SLC25A18: variants seen among roughly 807,000 people sequenced by gnomAD.
SLC25A18 encodes mitochondrial glutamate carrier 2.
A neutral mutation model predicts 31.1 loss-of-function variants in SLC25A18; 24 were observed. That is an observed-to-expected ratio of 0.77 (90% CI 0.56 to 1.08). SLC25A18 has a LOEUF of 1.08. SLC25A18 is among the 50% of genes least tolerant of loss of function. The pLI is 0.00. For missense variants in SLC25A18, 371 were observed against 418.5 expected (o/e 0.89, Z 0.99); for synonymous variants, 173 against 161.9 (o/e 1.07, Z -0.52).
rs565582939 is a variant in SLC25A18 at position 17,579,782 on chromosome 22, G to A, written c.-163G>A. The A allele has an allele frequency of 3.0e-5, 42 of 1,407,252 alleles. No individual in the cohort carries two copies. Among genetic ancestry groups the A allele is most frequent in the South Asian group, 9.8e-5 (6 of 61,184 alleles). 87.2% of individuals were successfully genotyped at this position (1,407,252 alleles called of 1,614,324 possible). ...CAGCCCAAGGAGGTCGTCACTTGCCGGGAAGGTGGCTCGGGCCAGGCTGCA... is the reference window on the plus strand; with the variant it reads ...CAGCCCAAGGAGGTCGTCACTTGCCAGGAAGGTGGCTCGGGCCAGGCTGCA... On this transcript the variant is annotated 5_prime_UTR_variant, in exon 3 of 11. Coordinates refer to ENST00000327451, the MANE Select transcript of SLC25A18 (RefSeq NM_031481.3).
chr22:17,585,636 T>G (rs2057522949), intron 7 of SLC25A18, among the ~76,000 whole-genome samples: 1 of 133,768 alleles, frequency 7.5e-6, no homozygotes, highest in South Asian at 2.2e-4. Flanking sequence ...ATTTATTTTA[T>G]TATTATTATT....
In SLC25A18 at chr22:17,579,857, G is replaced by T; in HGVS notation, c.-88G>T. 1 of 1,545,900 alleles carries T rather than the reference G, an allele frequency of 6.5e-7. No individual in the cohort carries two copies. Among genetic ancestry groups the T allele is most frequent in the East Asian group, 2.4e-5 (1 of 41,806 alleles). On this transcript the variant is annotated 5_prime_UTR_variant, in exon 3 of 11. Coordinates refer to ENST00000327451, the MANE Select transcript of SLC25A18 (RefSeq NM_031481.3). ...CTGCTACGGGGCCAGAGCCAAGGAAGCTTCCACTTCTTCCCCCAGACAGCC... is the reference window on the plus strand; with the variant it reads ...CTGCTACGGGGCCAGAGCCAAGGAATCTTCCACTTCTTCCCCCAGACAGCC...
chr22:17,569,562 T>C (rs778528502), intron 1 of SLC25A18: 357 of 965,354 alleles, frequency 3.7e-4, no homozygotes, highest in Admixed American at 6.8e-4. Context: ...GTGTTTGCGT[T>C]GCATTGATTT....
intron 2 of SLC25A18, among the ~76,000 whole-genome samples, chr22:17,573,535 C>T (rs2146221085): frequency 6.6e-6 from 1 of 152,288 alleles, no homozygotes; most frequent in Non-Finnish European, 1.5e-5. Flanking sequence ...CCAAGGCCAG[C>T]CACGGCAGCA....
At chr22:17,580,016 G>C (rs1362552971) in intron 3 of SLC25A18, 52 bp downstream of exon 3, 2 of 1,562,296 alleles carry the variant, frequency 1.3e-6, no homozygotes, top group Admixed American at 1.8e-5. Flanking sequence ...CTGGCGGAGA[G>C]TCGCTGTGGT....
In SLC25A18 at chr22:17,568,555, C is replaced by CTTTTTTT. The variant is rs695361; in HGVS notation, c.-263-1349_-263-1343dup. Among the ~76,000 whole-genome samples the CTTTTTTT allele has an allele frequency of 8.0e-5, 5 of 62,536 alleles. 1 individual carries two copies. The highest frequency in any genetic ancestry group is 2.8e-4 in the Admixed American group (1 of 3,616). The allele number at this position is 62,536 out of a possible 152,430, so 41.0% of individuals were successfully genotyped here. On this transcript the variant is annotated intron_variant, in intron 1 of 10. Coordinates refer to ENST00000327451, the MANE Select transcript of SLC25A18 (RefSeq NM_031481.3). ...TGGGAGCCGAGAATATAAAGTACAT[C>CTTTTTTT]TTTTTTTTTTTTTTTTTTTTTTTTT...
chr22:17,571,921 G>T (rs954432503), intron 2 of SLC25A18, among the ~76,000 whole-genome samples: 1 of 152,082 alleles, frequency 6.6e-6, no homozygotes, highest in Non-Finnish European at 1.5e-5. Context: ...GGAGGCTGAG[G>T]CAGGAGAATC....
chr22:17,565,050 T>A (rs1240790349), intron 1 of SLC25A18, among the ~76,000 whole-genome samples: 1 of 152,044 alleles, frequency 6.6e-6, no homozygotes, highest in East Asian at 1.9e-4. Flanking sequence ...CATTTGTCAC[T>A]CTGTGCAGAC....
intron 1 of SLC25A18, among the ~76,000 whole-genome samples, chr22:17,568,235 T>C (rs550973975): frequency 7.9e-5 from 12 of 151,310 alleles, no homozygotes; most frequent in East Asian, 5.9e-4. Context: ...GGTGTGGTGG[T>C]GGGCACCTGT....
Position 17,590,168 on chromosome 22 carries a change from C to G in SLC25A18, c.880C>G (p.Leu294Val), listed in dbSNP as rs143666593. The G allele has an allele frequency of 3.7e-6, 6 of 1,614,204 alleles. No individual in the cohort carries two copies. The highest frequency in any genetic ancestry group is 1.3e-5 in the African/African-American group (1 of 75,048). Residue 294 changes from leucine (L) to valine (V), a missense_variant, in exon 11 of 11, where the codon CTC becomes GTC. Leu to Val is a conservative substitution (Grantham distance 32). Transcript: ENST00000327451. Reference protein sequence around the residue: ...AGCRALVIAPLFGIAQGVYFI... With the variant: ...AGCRALVIAPVFGIAQGVYFI... ...CTGCCGGGCACTGGTCATAGCACCT[C>G]TCTTTGGGATTGCTCAAGGGGTCTA...
chr22:17,584,551 A>G, intron 7 of SLC25A18, among the ~76,000 whole-genome samples: 2 of 151,446 alleles, frequency 1.3e-5, no homozygotes, highest in East Asian at 2.0e-4. Flanking sequence ...AGGCCGAGGC[A>G]GGCGGATCAC....
intron 7 of SLC25A18, among the ~76,000 whole-genome samples, chr22:17,585,647 A>ATTTTTT (rs1449640998): frequency 2.9e-5 from 4 of 138,394 alleles, no homozygotes; most frequent in African/African-American, 1.2e-4. Flanking sequence ...TATTATTATT[A>ATTTTTT]TTATTTTTTT....
At chr22:17,580,373 G>A (rs1434007454) in intron 3 of SLC25A18, 5 of 297,152 alleles carry the variant, frequency 1.7e-5, no homozygotes, top group Non-Finnish European at 2.5e-5. Flanking sequence ...AGGAGTCTGA[G>A]AAAGCTTTGT....
intron 9 of SLC25A18, among the ~76,000 whole-genome samples, chr22:17,589,369 G>T (rs184909173): frequency 4.3e-4 from 66 of 151,958 alleles, no homozygotes; most frequent in Admixed American, 3.0e-3. Flanking sequence ...GTAGAGATGG[G>T]GTTTCACTAT....
At chr22:17,569,487 C>A in intron 1 of SLC25A18, 1 of 411,004 alleles carries the variant, frequency 2.4e-6, no homozygotes, top group Non-Finnish European at 3.3e-6. Context: ...CGGTTATCAG[C>A]AGTAAGAAAA....
chr22:17,576,760 G>A (rs993655987), intron 2 of SLC25A18, among the ~76,000 whole-genome samples: 7 of 152,214 alleles, frequency 4.6e-5, no homozygotes, highest in African/African-American at 1.7e-4. Context: ...ACAGCCTCAG[G>A]GTAGGGAGGC....
At chr22:17,583,600 C>T (rs1569189730) in intron 7 of SLC25A18, 66 bp downstream of exon 7, 11 of 1,563,442 alleles carry the variant, frequency 7.0e-6, no homozygotes, top group South Asian at 5.7e-5. Flanking sequence ...GCACATCCCA[C>T]ATCCCAACCT....
intron 2 of SLC25A18, among the ~76,000 whole-genome samples, chr22:17,576,593 C>T (rs1022597027): frequency 5.3e-5 from 8 of 152,320 alleles, no homozygotes; most frequent in Admixed American, 5.2e-4. Flanking sequence ...TTTCATGGTG[C>T]TATGACTCCT....
At chr22:17,575,649 T>A (rs1007400804) in intron 2 of SLC25A18, among the ~76,000 whole-genome samples, 4 of 152,178 alleles carry the variant, frequency 2.6e-5, no homozygotes, top group African/African-American at 7.2e-5. Flanking sequence ...GGGATGGAGT[T>A]CCAGGGACGT....
Sources: gnomAD v4.1 joint callset for allele counts (sites outside exome capture counted in the v4.1 genomes callset) on GRCh38, gnomAD v4.1.1 for gene constraint, MANE v1.5 for transcripts, NCBI Gene and HGNC (gene_info 2026-07-23, HGNC 2026-07-21) for gene names.